ADGB: variants seen among roughly 807,000 people sequenced by gnomAD.
ADGB encodes the protein androglobin, also known as calpain-7-like protein.
Under a neutral mutation model 210.5 loss-of-function variants are expected in ADGB, and 172 were observed. The ratio of observed to expected loss-of-function variants is 0.82; its 90% CI spans 0.72 to 0.93. The LOEUF (loss-of-function observed/expected upper bound fraction) is 0.93. Ranked by LOEUF, ADGB falls within the 40% of genes least tolerant of loss-of-function variation. The pLI is 0.00. For missense variants in ADGB, 2,025 were observed against 1,964.8 expected (o/e 1.03, Z -0.58); for synonymous variants, 658 against 662.7 (o/e 0.99, Z 0.11).
chr6:146,706,691 ATAG>A (rs1776573718), intron 13 of ADGB, among the ~76,000 whole-genome samples: 1 of 152,112 alleles, frequency 6.6e-6, no homozygotes, highest in African/African-American at 2.4e-5. Flanking sequence ...ATAATTATAC[ATAG>A]TAGATTCTTA....
chr6:146,674,551 G>A (rs1776061211), intron 8 of ADGB, among the ~76,000 whole-genome samples: 1 of 152,122 alleles, frequency 6.6e-6, no homozygotes, highest in African/African-American at 2.4e-5. Flanking sequence ...GTGGGTAAAC[G>A]GGTTTGGTAG....
intron 13 of ADGB, among the ~76,000 whole-genome samples, chr6:146,704,022 T>G (rs1008033401): frequency 6.6e-6 from 1 of 152,062 alleles, no homozygotes; most frequent in Admixed American, 6.6e-5. Context: ...TGAAGTGATA[T>G]CTCACTGTGG....
At chr6:146,599,151 T>G in intron 1 of ADGB, 37 bp downstream of exon 1, 1 of 1,533,286 alleles carries the variant, frequency 6.5e-7, no homozygotes, top group Non-Finnish European at 8.8e-7. Context: ...TCCCCTGGCC[T>G]AGCCCCTCGA....
chr6:146,813,713 C>T (rs1474208440), intron 35 of ADGB, among the ~76,000 whole-genome samples: 2 of 152,014 alleles, frequency 1.3e-5, no homozygotes, highest in Non-Finnish European at 2.9e-5. Context: ...TGTGGGAAAT[C>T]GATTAGATTA....
chr6:146,669,610 ACACT>A (rs1241228397), intron 7 of ADGB, among the ~76,000 whole-genome samples: 1 of 152,076 alleles, frequency 6.6e-6, no homozygotes, highest in Non-Finnish European at 1.5e-5. Flanking sequence ...CCTCAGCAAC[ACACT>A]CTCTGGGTTT....
intron 12 of ADGB, among the ~76,000 whole-genome samples, chr6:146,694,282 G>A (rs1210738467): frequency 1.3e-5 from 2 of 152,056 alleles, no homozygotes; most frequent in African/African-American, 2.4e-5. Context: ...CATACTTCTA[G>A]AGGCTGGGAA....
rs533578926 is a variant in ADGB, at chr6:146,717,587, A to C, written c.1980A>C (p.Lys660Asn). 6 of 1,407,862 alleles carry C rather than the reference A, an allele frequency of 4.3e-6. No individual in the cohort carries two copies. In the South Asian group the frequency reaches 8.1e-5, roughly 19 times the overall value. 87.2% of individuals were successfully genotyped at this position (1,407,862 alleles called of 1,614,324 possible). A position where few individuals can be genotyped will look rare whatever the true frequency, so the allele number is the denominator to read the frequency against. Residue 660 changes from lysine (K) to asparagine (N), a missense_variant, in exon 16 of 36, where the codon AAA becomes AAC. Transcript: ENST00000397944. ...KPSSYCLNFQKSEFKFSEERV... is the reference protein window; with the variant it reads ...KPSSYCLNFQNSEFKFSEERV... ...GTTCATATTGCCTTAACTTTCAAAA[A>C]TCAGAATTTAAGGTAAGTATGTTAG... is the stretch of plus-strand genomic sequence containing the variant.
chr6:146,694,773 A>G (rs1484091858), intron 12 of ADGB, among the ~76,000 whole-genome samples: 1 of 152,156 alleles, frequency 6.6e-6, no homozygotes, highest in Non-Finnish European at 1.5e-5. Flanking sequence ...GTAAAAAAAT[A>G]CTGTGTAAGT....
At chr6:146,759,170 G>A (rs907679197) in intron 27 of ADGB, among the ~76,000 whole-genome samples, 4 of 151,692 alleles carry the variant, frequency 2.6e-5, no homozygotes, top group Non-Finnish European at 5.9e-5. Context: ...ACCTTGATAG[G>A]TATTCTGTAC....
intron 35 of ADGB, among the ~76,000 whole-genome samples, chr6:146,813,149 C>G (rs929189964): frequency 9.8e-5 from 15 of 152,288 alleles, no homozygotes; most frequent in East Asian, 3.9e-4. Context: ...GTGGACCTTG[C>G]TTTTCAAGAC....
At chr6:146,771,546 C>T (rs1396150533) in intron 29 of ADGB, among the ~76,000 whole-genome samples, 1 of 152,102 alleles carries the variant, frequency 6.6e-6, no homozygotes, top group African/African-American at 2.4e-5. Flanking sequence ...TAGCTCATAC[C>T]GTGCCCCCGC....
intron 3 of ADGB, among the ~76,000 whole-genome samples, chr6:146,648,550 A>T (rs1775654273): frequency 6.6e-6 from 1 of 152,052 alleles, no homozygotes; most frequent in Non-Finnish European, 1.5e-5. Context: ...AGAGAGGGAG[A>T]GTAAAGGGGG....
chr6:146,691,461 A>AAT (rs1238719711), intron 11 of ADGB, among the ~76,000 whole-genome samples, 171 bp downstream of exon 11: 3 of 18,232 alleles, frequency 1.6e-4, no homozygotes, highest in Non-Finnish European at 2.5e-4. Flanking sequence ...TATATATAAA[A>AAT]ATATATATAT....
intron 13 of ADGB, among the ~76,000 whole-genome samples, chr6:146,714,577 G>T (rs1776704643): frequency 6.6e-6 from 1 of 152,156 alleles, no homozygotes; most frequent in Admixed American, 6.5e-5. Context: ...CAAGTGTGCT[G>T]TTTAGGCAAA....
intron 25 of ADGB, 49 bp downstream of exon 25, chr6:146,741,320 C>G: frequency 6.5e-7 from 1 of 1,529,630 alleles, no homozygotes; most frequent in Non-Finnish European, 8.8e-7. Flanking sequence ...CAGTGAAAAG[C>G]TACCAGCTTG....
intron 3 of ADGB, among the ~76,000 whole-genome samples, chr6:146,645,266 C>T (rs1775591116): frequency 6.6e-6 from 1 of 151,996 alleles, no homozygotes; most frequent in Non-Finnish European, 1.5e-5. Flanking sequence ...GAGTTTTGCA[C>T]ATAGATACCT....
intron 10 of ADGB, among the ~76,000 whole-genome samples, chr6:146,687,153 A>G (rs1776244197): frequency 6.6e-6 from 1 of 152,140 alleles, no homozygotes; most frequent in African/African-American, 2.4e-5. Context: ...AAAGTTAGAA[A>G]ACATTAGCCA....
At chr6:146,736,131 C>A (rs1378711571) in intron 22 of ADGB, among the ~76,000 whole-genome samples, 1 of 152,130 alleles carries the variant, frequency 6.6e-6, no homozygotes, top group Non-Finnish European at 1.5e-5. Context: ...ATCCTATTAG[C>A]CATTTTTCTT....
chr6:146,716,908 A>T lies in ADGB; in HGVS notation c.1767A>T (p.Gly589=). ...GCACAGATGAACAAACAGACTTTGG[A>T]TTGGGTGATGCTCATCAGAGTGATG... ...GKGTDEQTDF[G]LGDAHQSDGL... The change falls in exon 15 of 36, where the codon GGA becomes GGT. Residue 589 remains glycine (G), a synonymous_variant. Transcript: ENST00000397944. 1 of 1,548,710 alleles carries T rather than the reference A, an allele frequency of 6.5e-7. No homozygotes were observed.
Sources: gnomAD v4.1 joint callset for allele counts (sites outside exome capture counted in the v4.1 genomes callset) on GRCh38, gnomAD v4.1.1 for gene constraint, MANE v1.5 for transcripts, NCBI Gene and HGNC (gene_info 2026-07-23, HGNC 2026-07-21) for gene names.